Variants in DZANK1 observed in about 807,000 individuals in gnomAD.
DZANK1 encodes the protein double zinc ribbon and ankyrin repeat domains 1.
DZANK1 carries 91 observed loss-of-function variants against 94.5 expected under a neutral mutation model. That is an observed-to-expected ratio of 0.96 (90% confidence interval 0.81 to 1.15). The LOEUF is 1.15. Among genes scored for constraint, DZANK1 ranks in the 50% most tolerant of loss-of-function variants. The probability of loss-of-function intolerance (pLI) is 0.00; values close to 1 mark genes in which losing one functional copy is unlikely to be tolerated. For synonymous variants in DZANK1, 312 were observed against 325.3 expected, an observed-to-expected ratio of 0.96 and a Z score of 0.44; for missense variants, 903 against 916.4, an observed-to-expected ratio of 0.99 and a Z score of 0.19.
rs143514904 is a variant in DZANK1 at position 18,462,717 on chromosome 20, C to T, written c.110-2411G>A. Among the ~76,000 whole-genome samples the T allele has an allele frequency of 2.7e-3, 409 of 152,036 alleles. 6 individuals carry two copies. Among genetic ancestry groups the T allele is most frequent in the Admixed American group, 0.022 (329 of 15,238 alleles). ...TTCTCAAAGAAATAAGAGTTGAGGC[C>T]GGGCGCGGTGGTTCACATCTGTAAT... On this transcript the variant is annotated intron_variant, in intron 2 of 20. Transcript: ENST00000262547.
chr20:18,465,543 C>T (rs577644566), intron 1 of DZANK1, 166 bp from the exon 2 acceptor site: 8 of 295,160 alleles, frequency 2.7e-5, no homozygotes, highest in Non-Finnish European at 3.1e-5. Context: ...TCTGTATTTG[C>T]TGTTGAGGTC....
chr20:18,415,459 GA>G lies in DZANK1; in HGVS notation c.955-11del. On this transcript the variant is annotated splice_polypyrimidine_tract_variant and intron_variant, in intron 10 of 20. Transcript: ENST00000262547. ...CCCCACTGCACATCGACTGGTGAAT[GA>G]AATGGCATTTAAAGGCAGGATCAGT... 6.7e-7 allele frequency: 1 copy of G among 1,488,818 alleles called. No individual in the cohort carries two copies. Among genetic ancestry groups the G allele is most frequent in the Non-Finnish European group, 9.0e-7 (1 of 1,113,306 alleles). The allele number at this position is 1,488,818 out of a possible 1,614,324, so 92.2% of individuals were successfully genotyped here.
intron 8 of DZANK1, among the ~76,000 whole-genome samples, chr20:18,440,351 A>G (rs540179217): frequency 9.2e-5 from 14 of 152,350 alleles, no homozygotes; most frequent in African/African-American, 3.1e-4. Flanking sequence ...TAGCCACCGC[A>G]GCTGCATTAT....
intron 2 of DZANK1, among the ~76,000 whole-genome samples, chr20:18,462,180 G>A (rs1459403266): frequency 1.3e-5 from 2 of 151,920 alleles, no homozygotes; most frequent in African/African-American, 4.8e-5. Flanking sequence ...TCTAGGTATA[G>A]GGGATATGCA....
At chr20:18,398,124 A>G (rs1168927059) in intron 14 of DZANK1, among the ~76,000 whole-genome samples, 1 of 152,194 alleles carries the variant, frequency 6.6e-6, no homozygotes, top group Non-Finnish European at 1.5e-5. Flanking sequence ...AGAATGATGA[A>G]TACAATGCTG....
rs1569000962 is a variant in DZANK1, at chr20:18,448,865, T to TA, written c.629+118_629+119insT. 1.2e-3 allele frequency: 791 copies of TA among 650,650 alleles called. 8 individuals carry two copies. In the African/African-American group the frequency reaches 0.015, roughly 13 times the overall value. 40.3% of individuals were successfully genotyped at this position (650,650 alleles called of 1,614,324 possible). ...CAGGGTGACAGAGTGAGACTCCGTC[T>TA]CAAAAAAAAAAAAAAAAAAAAGTTG... On this transcript the variant is annotated intron_variant, in intron 7 of 20. Transcript: ENST00000262547.
chr20:18,404,083 G>A (rs932341938), intron 13 of DZANK1, among the ~76,000 whole-genome samples: 7 of 151,674 alleles, frequency 4.6e-5, no homozygotes, highest in Middle Eastern at 3.2e-3. Context: ...GAGCCACCGC[G>A]CCGGGCCACA....
At position 18,424,654 on chromosome 20, in the gene DZANK1, G is replaced by A. The variant is rs550287964; in HGVS notation, c.954+2413C>T. On this transcript the variant is annotated intron_variant, in intron 10 of 20. Transcript: ENST00000262547. ...TATGAAGGTTCCAGTTTCATATAGG[G>A]CAGTATCTTATAAAATTAAACATGC... Among the ~76,000 whole-genome samples, 13 of 152,134 alleles carry A rather than the reference G, an allele frequency of 8.5e-5. No homozygotes were observed. In the South Asian group the frequency reaches 2.7e-3, roughly 32 times the overall value.
chr20:18,448,966 A>T lies in DZANK1; in HGVS notation c.629+18T>A, dbSNP rs1287225875. The T allele has an allele frequency of 6.3e-7, 1 of 1,595,670 alleles. No individual in the cohort carries two copies. Among genetic ancestry groups the T allele is most frequent in the Non-Finnish European group, 8.6e-7 (1 of 1,163,624 alleles). ...CTTTGTAGGATTTAAGGCAGAGTAA[A>T]GAGAATGTGATACTTACTTGAGAAA... is the stretch of plus-strand genomic sequence containing the variant. On this transcript the variant is annotated intron_variant, in intron 7 of 20. Transcript: ENST00000262547.
Position 18,412,942 on chromosome 20 carries a change from T to C in DZANK1, c.1243-107A>G, listed in dbSNP as rs2057328901. The C allele has an allele frequency of 2.5e-6, 3 of 1,216,114 alleles. No homozygotes were observed. In the South Asian group the frequency reaches 4.5e-5, roughly 18 times the overall value. 75.3% of individuals were successfully genotyped at this position (1,216,114 alleles called of 1,614,324 possible). On this transcript the variant is annotated intron_variant, in intron 12 of 20. Transcript: ENST00000262547. Reference sequence around the variant, plus strand: ...TTATAGAAAACAACTCTAATCAGAATAAAAAGTATCTCAAGAAAAGTGTAC... The same window carrying C: ...TTATAGAAAACAACTCTAATCAGAACAAAAAGTATCTCAAGAAAAGTGTAC...
Position 18,431,346 on chromosome 20 carries a change from G to A in DZANK1, c.861+2306C>T, listed in dbSNP as rs546227020. ...CATCATAGAAGGAAGAGCGCAGATG[G>A]TGCTTTTGCACTCAGTGGAGTGAGC... On this transcript the variant is annotated intron_variant, in intron 9 of 20. Transcript: ENST00000262547. Among the ~76,000 whole-genome samples, 9 of 152,068 alleles carry A rather than the reference G, an allele frequency of 5.9e-5. No individual in the cohort carries two copies. In the South Asian group the frequency reaches 1.0e-3, roughly 18 times the overall value.
At chr20:18,411,269 G>C (rs1428973404) in intron 13 of DZANK1, among the ~76,000 whole-genome samples, 1 of 152,102 alleles carries the variant, frequency 6.6e-6, no homozygotes, top group Non-Finnish European at 1.5e-5. Flanking sequence ...ACCAAAAAAA[G>C]TGACATCTCA....
At chr20:18,404,507 A>T (rs2056856005) in intron 13 of DZANK1, among the ~76,000 whole-genome samples, 1 of 152,180 alleles carries the variant, frequency 6.6e-6, no homozygotes, top group African/African-American at 2.4e-5. Context: ...ACAGACAAAC[A>T]AATAACAATA....
chr20:18,449,069 A>G (rs779309807), exon 7 of DZANK1: 2 of 1,613,184 alleles, frequency 1.2e-6, no homozygotes, highest in Admixed American at 3.3e-5. Flanking sequence ...AAACCGGGGG[A>G]CTAAAATTAA....
chr20:18,388,463 C>T (rs1301142493), intron 19 of DZANK1, among the ~76,000 whole-genome samples: 1 of 152,354 alleles, frequency 6.6e-6, no homozygotes, highest in African/African-American at 2.4e-5. Context: ...AAAGCCAGGA[C>T]TCACGCTGCT....
At chr20:18,465,797 T>C (rs184052799) in intron 1 of DZANK1, among the ~76,000 whole-genome samples, 185 of 152,354 alleles carry the variant, frequency 1.2e-3, no homozygotes, top group Non-Finnish European at 2.3e-3. Context: ...GAAGTAATTC[T>C]GTGTGTACCA....
intron 19 of DZANK1, among the ~76,000 whole-genome samples, chr20:18,389,241 C>T (rs767472193): frequency 1.3e-5 from 2 of 152,106 alleles, no homozygotes; most frequent in African/African-American, 2.4e-5. Context: ...CATGTGGTGA[C>T]CTCAGATGTA....
intron 8 of DZANK1, among the ~76,000 whole-genome samples, chr20:18,437,495 C>T (rs2058567444): frequency 1.3e-5 from 2 of 152,114 alleles, no homozygotes; most frequent in Admixed American, 1.3e-4. Context: ...AGGAGAATCA[C>T]TTGAACCCAG....
intron 7 of DZANK1, among the ~76,000 whole-genome samples, chr20:18,445,685 G>C (rs896575825): frequency 6.6e-6 from 1 of 152,120 alleles, no homozygotes; most frequent in Admixed American, 6.5e-5. Flanking sequence ...AGGATCACTT[G>C]AGGCCAGGAG....
Sources: gnomAD v4.1 joint callset for allele counts (sites outside exome capture counted in the v4.1 genomes callset) on GRCh38, gnomAD v4.1.1 for gene constraint, MANE v1.5 for transcripts, NCBI Gene and HGNC (gene_info 2026-07-23, HGNC 2026-07-21) for gene names.